SORBS2: variants seen among roughly 807,000 people sequenced by gnomAD.
SORBS2 encodes the protein sorbin and SH3 domain-containing protein 2.
SORBS2 carries 46 observed loss-of-function variants against 97.7 expected under a neutral mutation model. The observed-to-expected ratio is 0.47, with a 90% CI of 0.37 to 0.60. SORBS2 has a LOEUF of 0.60. SORBS2 is among the 20% of genes least tolerant of loss of function. The pLI is 0.00. For missense variants in SORBS2, 1,316 were observed against 1,282.3 expected, an observed-to-expected ratio of 1.03 and a Z score of -0.40; for synonymous variants, 476 against 473.4, an observed-to-expected ratio of 1.01 and a Z score of -0.07.
chr4:185,729,379 AC>A, intron 2 of SORBS2, among the ~76,000 whole-genome samples: 1 of 152,198 alleles, frequency 6.6e-6, no homozygotes, highest in East Asian at 1.9e-4. Context: ...GGAACTATAG[AC>A]AGGGTTTCCA....
At chr4:185,879,354 A>C (rs2099235685) in intron 1 of SORBS2, among the ~76,000 whole-genome samples, 1 of 151,506 alleles carries the variant, frequency 6.6e-6, no homozygotes, top group Admixed American at 6.6e-5. Flanking sequence ...TGAACTCATC[A>C]TTTTTTATGG....
At chr4:185,682,874 C>T (rs997818540) in intron 2 of SORBS2, among the ~76,000 whole-genome samples, 1 of 151,828 alleles carries the variant, frequency 6.6e-6, no homozygotes. Context: ...ATTAGCCAGG[C>T]ATGGTGGCAG....
chr4:185,600,659 T>C (rs1004330095), intron 12 of SORBS2, among the ~76,000 whole-genome samples: 25 of 152,150 alleles, frequency 1.6e-4, no homozygotes, highest in African/African-American at 5.1e-4. Context: ...ATGTCTTTCA[T>C]AGAATGCTTA....
chr4:185,666,067 C>T, intron 4 of SORBS2: 5 of 1,289,680 alleles, frequency 3.9e-6, no homozygotes, highest in Non-Finnish European at 5.1e-6. Context: ...TGAGCTGGTG[C>T]CACTGCCTGG....
chr4:185,623,157 T>C lies in SORBS2; in HGVS notation c.1972A>G (p.Asn658Asp), dbSNP rs141097429. 7.0e-4 allele frequency: 1,137 copies of C among 1,614,016 alleles called. 1 individual carries two copies. The highest frequency in any genetic ancestry group is 8.4e-4 in the Non-Finnish European group (988 of 1,180,020). The change falls in exon 7 of 15, where the codon AAC (asparagine) becomes GAC (aspartate). Residue 658 changes from asparagine (N) to aspartate (D), a missense_variant. Asn to Asp is a conservative substitution (Grantham distance 23). Transcript: ENST00000418609. The surrounding 1 kb of genome is among the most constrained non-coding windows in gnomAD (Gnocchi z 6.4). The stretch of plus-strand genomic sequence containing the variant: ...CTGATGAGGCGGTGCAGGATGCTGT[T>C]GTCCGGCAAGCTCCCCCTTTTCTTT...
intron 12 of SORBS2, among the ~76,000 whole-genome samples, chr4:185,600,699 G>T (rs2096241999): frequency 6.6e-6 from 1 of 152,156 alleles, no homozygotes; most frequent in African/African-American, 2.4e-5. Context: ...TCTCAAACCT[G>T]CCCTGCTTTT....
intron 4 of SORBS2, among the ~76,000 whole-genome samples, chr4:185,635,693 T>C (rs2096984761): frequency 6.6e-6 from 1 of 152,166 alleles, no homozygotes; most frequent in Admixed American, 6.5e-5. Context: ...TCCTAGTCTC[T>C]GGCCACAGAG....
At chr4:185,921,361 C>T (rs11727354) in intron 1 of SORBS2, among the ~76,000 whole-genome samples, 57,550 of 151,992 alleles carry the variant, frequency 0.38, 11,071 homozygotes, top group East Asian at 0.57. Flanking sequence ...GAATCTGTTA[C>T]GGAGTTGCTC....
chr4:185,689,593 C>T (rs1034919847), intron 2 of SORBS2, among the ~76,000 whole-genome samples: 1 of 152,198 alleles, frequency 6.6e-6, no homozygotes, highest in Non-Finnish European at 1.5e-5. Flanking sequence ...TCCCCAGGAG[C>T]CCGCCCGCAC....
chr4:185,746,190 C>T (rs767787939), intron 2 of SORBS2, among the ~76,000 whole-genome samples: 7 of 152,152 alleles, frequency 4.6e-5, no homozygotes, highest in South Asian at 2.1e-4. Flanking sequence ...TTCAAACACT[C>T]GTAGTTGTGT....
chr4:185,697,242 T>C lies in SORBS2; in HGVS notation c.-197-18420A>G, dbSNP rs529450696. Among the ~76,000 whole-genome samples, 4 of 152,332 alleles carry C rather than the reference T, an allele frequency of 2.6e-5. No individual in the cohort carries two copies. In the South Asian group the frequency reaches 8.3e-4, roughly 32 times the overall value. ...TTTGAAGCAGATCTTTACCTTTGAT[T>C]GAGTCTTAAGAAGATAATCTAGACT... On this transcript the variant is annotated intron_variant, in intron 2 of 20. Transcript: ENST00000284776.
intron 2 of SORBS2, among the ~76,000 whole-genome samples, chr4:185,698,408 G>A (rs1481613065): frequency 6.6e-6 from 1 of 152,128 alleles, no homozygotes; most frequent in Non-Finnish European, 1.5e-5. Context: ...GCTGGGAGGT[G>A]GAGGTTGCAG....
At chr4:185,639,402 G>A (rs2097091176) in intron 4 of SORBS2, among the ~76,000 whole-genome samples, 1 of 152,200 alleles carries the variant, frequency 6.6e-6, no homozygotes, top group Non-Finnish European at 1.5e-5. Flanking sequence ...CTGCTTCCCT[G>A]CAGAGGTTTC....
intron 2 of SORBS2, among the ~76,000 whole-genome samples, chr4:185,748,003 AG>A (rs992451734): frequency 6.6e-6 from 1 of 152,042 alleles, no homozygotes; most frequent in Non-Finnish European, 1.5e-5. Context: ...AAAAAAAACA[AG>A]GTCTTTGCTG....
chr4:185,798,009 C>A (rs2099113687), intron 1 of SORBS2, among the ~76,000 whole-genome samples: 1 of 152,160 alleles, frequency 6.6e-6, no homozygotes, highest in South Asian at 2.1e-4. Context: ...TCCCTCATCC[C>A]AAAGACTGAA....
intron 1 of SORBS2, among the ~76,000 whole-genome samples, chr4:185,820,912 C>T (rs1585247275): frequency 6.6e-6 from 1 of 152,118 alleles, no homozygotes; most frequent in Admixed American, 6.5e-5. Context: ...AACAAATGAA[C>T]GGATGACTGG....
chr4:185,737,171 G>A (rs1008858732), intron 2 of SORBS2, among the ~76,000 whole-genome samples: 6 of 152,154 alleles, frequency 3.9e-5, no homozygotes, highest in Non-Finnish European at 5.9e-5. Flanking sequence ...CTTCCTTACT[G>A]TTTTCAAGGC....
chr4:185,758,138 A>G (rs373020977), intron 2 of SORBS2, among the ~76,000 whole-genome samples: 9 of 152,216 alleles, frequency 5.9e-5, no homozygotes, highest in Admixed American at 1.3e-4. Flanking sequence ...CTCGGGTCCT[A>G]ACCGATAATT....
chr4:185,864,162 C>A (rs1285514688), intron 1 of SORBS2, among the ~76,000 whole-genome samples: 1 of 152,136 alleles, frequency 6.6e-6, no homozygotes, highest in Non-Finnish European at 1.5e-5. Flanking sequence ...AGAATGAGGT[C>A]ATTGTTCTCA....
Sources: allele counts gnomAD v4.1 joint callset (sites outside exome capture counted in the v4.1 genomes callset), GRCh38; gene constraint gnomAD v4.1.1; non-coding constraint Gnocchi (gnomAD v3.1); transcripts MANE v1.5; gene names NCBI Gene and HGNC (gene_info 2026-07-23, HGNC 2026-07-21).